Variants in CTIF observed in about 807,000 individuals in gnomAD.
CTIF encodes cap binding complex dependent translation initiation factor.
Under a neutral mutation model 66.0 loss-of-function variants are expected in CTIF, and 21 were observed. That is an observed-to-expected ratio of 0.32 (90% confidence interval 0.23 to 0.46). The LOEUF (loss-of-function observed/expected upper bound fraction) is 0.46, where lower values mean the gene tolerates loss of function less well. CTIF is among the 20% of genes least tolerant of loss of function. CTIF has a pLI of 1.00. For synonymous variants in CTIF, 345 were observed against 326.4 expected (o/e 1.06, Z -0.62); for missense variants, 739 against 812.7 (o/e 0.91, Z 1.10).
chr18:48,849,936 T>C (rs1359262114), intron 10 of CTIF, among the ~76,000 whole-genome samples: 1 of 152,184 alleles, frequency 6.6e-6, no homozygotes, highest in Non-Finnish European at 1.5e-5. Context: ...GTATTCACAC[T>C]GTTGGGCAAC....
chr18:48,637,428 A>G (rs761563567), intron 3 of CTIF, among the ~76,000 whole-genome samples: 5 of 152,184 alleles, frequency 3.3e-5, no homozygotes, highest in Non-Finnish European at 5.9e-5. Context: ...GCTGAAAAAA[A>G]CATGTGTCCC....
intron 7 of CTIF, among the ~76,000 whole-genome samples, chr18:48,746,975 T>C (rs1039089748): frequency 2.0e-5 from 3 of 151,980 alleles, no homozygotes; most frequent in African/African-American, 7.3e-5. Context: ...CGCCACATGC[T>C]GTCGTAGATG....
intron 6 of CTIF, among the ~76,000 whole-genome samples, chr18:48,680,356 A>C (rs1253872134): frequency 6.6e-6 from 1 of 152,266 alleles, no homozygotes; most frequent in Non-Finnish European, 1.5e-5. Context: ...GAGCTGGGAC[A>C]GTAGGCTCAA....
intron 9 of CTIF, among the ~76,000 whole-genome samples, chr18:48,795,552 T>G (rs2067896402): frequency 6.6e-6 from 1 of 152,212 alleles, no homozygotes; most frequent in African/African-American, 2.4e-5. Context: ...AGTTTTATCT[T>G]ATTCGGGTTT....
intron 2 of CTIF, among the ~76,000 whole-genome samples, chr18:48,631,144 G>A (rs922163471): frequency 1.5e-4 from 23 of 152,146 alleles, no homozygotes; most frequent in African/African-American, 5.5e-4. Context: ...GTACCCTGGG[G>A]TCTCCCCAAT....
intron 2 of CTIF, among the ~76,000 whole-genome samples, chr18:48,624,957 C>T (rs530554063): frequency 2.6e-4 from 39 of 152,324 alleles, no homozygotes; most frequent in African/African-American, 9.1e-4. Flanking sequence ...TGGGTTTCAT[C>T]TAAAATGCAG....
chr18:48,714,329 A>C (rs554864698), intron 7 of CTIF, among the ~76,000 whole-genome samples: 367 of 152,304 alleles, frequency 2.4e-3, no homozygotes, highest in African/African-American at 8.1e-3. Flanking sequence ...GACCAGAATC[A>C]GATTTGGTGG....
chr18:48,542,927 G>A (rs1417964619), intron 1 of CTIF, among the ~76,000 whole-genome samples: 1 of 152,206 alleles, frequency 6.6e-6, no homozygotes, highest in African/African-American at 2.4e-5. Context: ...CGGAGCTAAG[G>A]AGATGTTCTC....
intron 1 of CTIF, among the ~76,000 whole-genome samples, chr18:48,580,359 T>G (rs771577609): frequency 2.6e-5 from 4 of 152,150 alleles, no homozygotes; most frequent in Non-Finnish European, 5.9e-5. Context: ...TCAGGGCCCC[T>G]TCCTCCGTTC....
rs78496275 is a variant in CTIF at position 48,625,433 on chromosome 18, A to G, written c.180+5688A>G. 5.9e-5 allele frequency among the ~76,000 whole-genome samples: 9 copies of G among 152,346 alleles called. No individual in the cohort carries two copies. The East Asian group carries it at 1.2e-3, about 20-fold the overall frequency. ...AATTATACAAGTCCTTTATGCATAC[A>G]TTATCATGGTACATAAGAATTCAAA... On this transcript the variant is annotated intron_variant, in intron 2 of 11. Coordinates refer to ENST00000256413, the MANE Select transcript of CTIF (RefSeq NM_014772.3).
chr18:48,614,610 C>T (rs1012392940), intron 1 of CTIF, among the ~76,000 whole-genome samples: 8 of 152,112 alleles, frequency 5.3e-5, no homozygotes, highest in African/African-American at 1.9e-4. Flanking sequence ...TGAAATAAAT[C>T]GGTTGTAAAA....
chr18:48,637,443 C>T (rs907535), intron 3 of CTIF, among the ~76,000 whole-genome samples: 89,896 of 152,166 alleles, frequency 0.59, 30,243 homozygotes, highest in East Asian at 0.94. Flanking sequence ...TGTCCCCATC[C>T]CGAGTCCAGC....
chr18:48,801,699 GAAGT>G (rs2146224872), intron 9 of CTIF, among the ~76,000 whole-genome samples: 1 of 152,314 alleles, frequency 6.6e-6, no homozygotes, highest in African/African-American at 2.4e-5. Context: ...GACAATTTCA[GAAGT>G]AATTGGGCCA....
intron 1 of CTIF, among the ~76,000 whole-genome samples, chr18:48,617,171 T>G (rs979920591): frequency 6.6e-6 from 1 of 152,194 alleles, no homozygotes; most frequent in Non-Finnish European, 1.5e-5. Flanking sequence ...TGCCAGTTGT[T>G]GACCAGGGAT....
At chr18:48,579,551 C>G (rs921030129) in intron 1 of CTIF, among the ~76,000 whole-genome samples, 1 of 152,208 alleles carries the variant, frequency 6.6e-6, no homozygotes, top group South Asian at 2.1e-4. Flanking sequence ...CTCTTTCCTA[C>G]TAAAAAGTAA....
At chr18:48,792,873 G>A (rs1257330408) in intron 9 of CTIF, among the ~76,000 whole-genome samples, 2 of 152,192 alleles carry the variant, frequency 1.3e-5, no homozygotes, top group Non-Finnish European at 2.9e-5. Context: ...AGGTTGAGTG[G>A]ACAGTTGGAG....
intron 1 of CTIF, among the ~76,000 whole-genome samples, chr18:48,595,418 T>C (rs901463834): frequency 8.5e-5 from 13 of 152,248 alleles, no homozygotes; most frequent in East Asian, 1.9e-4. Flanking sequence ...CGTACATTTA[T>C]TTTTTAATTA....
At chr18:48,564,652 T>A (rs1374096799) in intron 1 of CTIF, 1 of 152,398 alleles carries the variant, frequency 6.6e-6, no homozygotes, top group African/African-American at 2.4e-5. Flanking sequence ...AGGGTCTTGT[T>A]CTGTCACCCA....
At chr18:48,601,133 T>G (rs1465192700) in intron 1 of CTIF, among the ~76,000 whole-genome samples, 1 of 152,204 alleles carries the variant, frequency 6.6e-6, no homozygotes. Flanking sequence ...ACTAAGGTGT[T>G]AGGCCCGTTC....
Sources: gnomAD v4.1 joint callset for allele counts (sites outside exome capture counted in the v4.1 genomes callset) on GRCh38, gnomAD v4.1.1 for gene constraint, MANE v1.5 for transcripts, NCBI Gene and HGNC (gene_info 2026-07-23, HGNC 2026-07-21) for gene names.